The following KNTC1 variants were observed in gnomAD, a reference collection of about 807,000 sequenced individuals.
KNTC1 encodes the protein kinetochore associated 1.
KNTC1 carries 253 observed loss-of-function variants against 314.4 expected under a neutral mutation model. The ratio of observed to expected loss-of-function variants is 0.80; its 90% confidence interval spans 0.73 to 0.89. The LOEUF is 0.89. KNTC1 is among the 40% of genes least tolerant of loss of function. The pLI is 0.00. For missense variants in KNTC1, 2,475 were observed against 2,572.9 expected (o/e 0.96, Z 0.82); for synonymous variants, 901 against 901.4 (o/e 1.00, Z 0.01).
At chr12:122,562,137 C>T (rs1328799695) in intron 19 of KNTC1, among the ~76,000 whole-genome samples, 163 bp downstream of exon 19, 2 of 152,130 alleles carry the variant, frequency 1.3e-5, no homozygotes, top group Non-Finnish European at 2.9e-5. Flanking sequence ...TTTATAAGGT[C>T]ATTTTGAGAT....
rs760213772 is a variant in KNTC1 at position 122,544,234 on chromosome 12, G to A, written c.634G>A (p.Gly212Arg). The stretch of plus-strand genomic sequence containing the variant: ...TCTTGGTTGTCTCAGTCTTGTGGCT[G>A]GAGATTTAGCAAGTGAAGTTCCTGT... ...HTLGCLSLVA[G>R]DLASEVPVII... The change falls in exon 8 of 64, where the codon GGA becomes AGA. Residue 212 changes from glycine (G) to arginine (R), a missense_variant. Gly to Arg is a moderately radical substitution (Grantham distance 125). Coordinates refer to ENST00000333479, the MANE Select transcript of KNTC1 (RefSeq NM_014708.6). 2.5e-6 allele frequency: 4 copies of A among 1,583,964 alleles called. No homozygotes were observed. Among genetic ancestry groups the A allele is most frequent in the Non-Finnish European group, 3.4e-6 (4 of 1,168,544 alleles).
rs949888288 is a variant in KNTC1 at position 122,576,980 on chromosome 12, A to T, written c.2672A>T (p.Asp891Val). The change falls in exon 30 of 64, where the codon GAT becomes GTT. Residue 891 changes from aspartate (D) to valine (V), a missense_variant. By Grantham distance (152) the Asp-to-Val change is radical (BLOSUM62 -3). Coordinates refer to ENST00000333479, the MANE Select transcript of KNTC1 (RefSeq NM_014708.6). ...LKVAQAFMLS[D>V]DEIYSLRIID... ...GTAGCCCAAGCGTTTATGTTATCTG[A>T]TGATGAGATCTACAGTCTAAGAATT... The T allele has an allele frequency of 3.8e-6, 6 of 1,592,470 alleles. No individual in the cohort carries two copies. In the African/African-American group the frequency reaches 6.7e-5, roughly 18 times the overall value.
At chr12:122,557,977 G>A (rs1051813027) in intron 18 of KNTC1, among the ~76,000 whole-genome samples, 3 of 152,202 alleles carry the variant, frequency 2.0e-5, no homozygotes, top group Non-Finnish European at 4.4e-5. Flanking sequence ...CAGACCGGAC[G>A]TGGTGGCTCA....
chr12:122,552,654 A>G (rs1452955552), intron 16 of KNTC1, among the ~76,000 whole-genome samples: 1 of 152,150 alleles, frequency 6.6e-6, no homozygotes, highest in African/African-American at 2.4e-5. Context: ...CTAAGCCACC[A>G]CTTGTGGCCA....
rs1344629297 is a variant in KNTC1, at chr12:122,585,741, T to A, written c.3640T>A (p.Tyr1214Asn). The change falls in exon 37 of 64, where the codon TAT (tyrosine) becomes AAT (asparagine). Residue 1214 changes from tyrosine (Y) to asparagine (N), a missense_variant. By Grantham distance (143) the Tyr-to-Asn change is moderately radical (BLOSUM62 -2). Transcript: ENST00000333479. ...GTCACAGATGGTGCTTCCAGTGATT[T>A]ATGAACTGATTTCATCTCTTGTGCC... ...LESQMVLPVI[Y>N]ELISSLVPLA... 6.2e-7 allele frequency: 1 copy of A among 1,613,752 alleles called. No individual in the cohort carries two copies. Among genetic ancestry groups the A allele is most frequent in the Non-Finnish European group, 8.5e-7 (1 of 1,179,778 alleles).
At chr12:122,556,066 G>T (rs1963567518) in intron 16 of KNTC1, among the ~76,000 whole-genome samples, 1 of 151,640 alleles carries the variant, frequency 6.6e-6, no homozygotes, top group African/African-American at 2.4e-5. Flanking sequence ...AAACTGGGGT[G>T]CAGTGGCGCG....
chr12:122,584,129 A>C (rs1868866177), intron 34 of KNTC1, 149 bp from the exon 35 acceptor site: 2 of 637,792 alleles, frequency 3.1e-6, no homozygotes, highest in South Asian at 4.2e-5. Flanking sequence ...GTCTCAAAAA[A>C]ACAAAAGAAA....
chr12:122,543,029 C>T (rs937016897), intron 6 of KNTC1, among the ~76,000 whole-genome samples: 1 of 152,088 alleles, frequency 6.6e-6, no homozygotes, highest in Non-Finnish European at 1.5e-5. Context: ...TCTTGTGCCT[C>T]AGTCTCCCAA....
At chr12:122,590,495 T>A in intron 40 of KNTC1, 112 bp from the exon 41 acceptor site, 3 of 1,099,026 alleles carry the variant, frequency 2.7e-6, no homozygotes, top group Non-Finnish European at 2.5e-6. Context: ...AAGTTTTTTT[T>A]AAGTATAAAT....
chr12:122,568,723 C>T (rs905877895), intron 21 of KNTC1, among the ~76,000 whole-genome samples: 1 of 151,996 alleles, frequency 6.6e-6, no homozygotes. Context: ...GTAGACCCAG[C>T]TACTCAGGAG....
Position 122,622,542 on chromosome 12 carries a change from G to C in KNTC1, c.6450G>C (p.Leu2150Phe). Residue 2150 changes from leucine (L) to phenylalanine (F), a missense_variant, in exon 62 of 64, where the codon TTG becomes TTC. Transcript: ENST00000333479. ...CAAAGACCAAATACTTTCAAATGTT[G>C]AAGATGCATGCGATGAATACCAACA... ...ILAKTKYFQMLKMHAMNTNNI... is the reference protein window; with the variant it reads ...ILAKTKYFQMFKMHAMNTNNI... The C allele has an allele frequency of 6.3e-7, 1 of 1,576,678 alleles. No homozygotes were observed. The highest frequency in any genetic ancestry group is 8.6e-7 in the Non-Finnish European group (1 of 1,159,652).
chr12:122,613,674 T>A lies in KNTC1; in HGVS notation c.5790T>A (p.Asn1930Lys). The change falls in exon 55 of 64, where the codon AAT (asparagine) becomes AAA (lysine). Residue 1930 changes from asparagine to lysine, a missense_variant. Coordinates refer to ENST00000333479, the MANE Select transcript of KNTC1 (RefSeq NM_014708.6). ...TTCTGGCATCATTTGAGACTTTGAA[T>A]ATCCCCATCACATATGAATTATTTT... The part of the protein sequence containing the change: ...ITFLASFETL[N>K]IPITYELFCS... 6.2e-7 allele frequency: 1 copy of A among 1,612,492 alleles called. No individual in the cohort carries two copies.
chr12:122,544,098 G>T, intron 7 of KNTC1, 61 bp from the exon 8 acceptor site: 1 of 693,462 alleles, frequency 1.4e-6, no homozygotes, highest in Admixed American at 2.9e-5. Context: ...ACTGATTTTA[G>T]TGATTTTATG....
intron 53 of KNTC1, 148 bp downstream of exon 53, chr12:122,611,048 C>G (rs1873062372): frequency 1.5e-6 from 1 of 649,758 alleles, no homozygotes; most frequent in African/African-American, 1.8e-5. Context: ...ATCTCCTAAG[C>G]AAGCATTGTC....
intron 44 of KNTC1, among the ~76,000 whole-genome samples, chr12:122,601,068 C>G (rs1213181541): frequency 1.3e-5 from 2 of 152,002 alleles, no homozygotes; most frequent in African/African-American, 4.8e-5. Flanking sequence ...AAAATTGTAG[C>G]TCTTTATTTT....
chr12:122,612,148 C>G (rs1243582854), intron 53 of KNTC1, among the ~76,000 whole-genome samples: 8 of 151,918 alleles, frequency 5.3e-5, no homozygotes, highest in African/African-American at 1.9e-4. Flanking sequence ...TCACTGCAAC[C>G]TCCGCCTCCC....
At chr12:122,607,843 G>C (rs1872709530) in intron 51 of KNTC1, among the ~76,000 whole-genome samples, 1 of 152,064 alleles carries the variant, frequency 6.6e-6, no homozygotes, top group Admixed American at 6.6e-5. Context: ...TTTGATTCAG[G>C]TTATGTGCTT....
rs1873620403 is a variant in KNTC1 at position 122,615,049 on chromosome 12, G to A, written c.5936G>A (p.Trp1979Ter). The A allele has an allele frequency of 1.9e-6, 3 of 1,613,478 alleles. No homozygotes were observed. The South Asian group carries it at 3.3e-5, about 18-fold the overall frequency. Residue 1979 changes from tryptophan to a stop codon, truncating the protein, a stop_gained, in exon 56 of 64, where the codon TGG (tryptophan) becomes TAG (stop). Coordinates refer to ENST00000333479, the MANE Select transcript of KNTC1 (RefSeq NM_014708.6). LOFTEE classifies it high-confidence loss of function. ...LEYKIYDLQL[W>*]NGLLQKLLGF... ...TACAAAATCTATGACCTGCAGCTTTGGAATGGACTCTTGCAAAAGCTTCTG... is the reference window on the plus strand; with the variant it reads ...TACAAAATCTATGACCTGCAGCTTTAGAATGGACTCTTGCAAAAGCTTCTG...
At chr12:122,552,209 T>A (rs1242300637) in intron 16 of KNTC1, among the ~76,000 whole-genome samples, 1 of 152,066 alleles carries the variant, frequency 6.6e-6, no homozygotes, top group Non-Finnish European at 1.5e-5. Flanking sequence ...GCACCTGGCC[T>A]CAGGTCAGGT....
Sources: allele counts gnomAD v4.1 joint callset (sites outside exome capture counted in the v4.1 genomes callset), GRCh38; gene constraint gnomAD v4.1.1; transcripts MANE v1.5; gene names NCBI Gene and HGNC (gene_info 2026-07-23, HGNC 2026-07-21).